Variants in DICER1 observed in about 807,000 individuals in gnomAD.
DICER1 encodes the protein dicer 1, ribonuclease III.
DICER1 carries 43 observed loss-of-function variants against 194.1 expected under a neutral mutation model. The observed-to-expected ratio is 0.22, with a 90% CI of 0.17 to 0.29. The LOEUF is 0.29. Among genes scored for constraint, DICER1 ranks in the 10% least tolerant of loss-of-function variants. The pLI is 1.00. For missense variants in DICER1, 1,608 were observed against 2,317.0 expected (o/e 0.69, Z 6.28); for synonymous variants, 832 against 820.5 (o/e 1.01, Z -0.24).
chr14:95,093,741 A>C, intron 24 of DICER1, 147 bp downstream of exon 24: 1 of 867,692 alleles, frequency 1.2e-6, no homozygotes, highest in Non-Finnish European at 1.9e-6. Flanking sequence ...ACTGCAGTTC[A>C]CTCGTGCTCC....
rs369913917 is a variant in DICER1 at position 95,111,507 on chromosome 14, T to G, written c.2117-51A>C. 2.5e-6 allele frequency: 4 copies of G among 1,590,732 alleles called. No homozygotes were observed. In the African/African-American group the frequency reaches 4.0e-5, roughly 16 times the overall value. On this transcript the variant is annotated intron_variant, in intron 13 of 26. Transcript: ENST00000343455. ...CACAATCCAGATTTTGCCTGATTAATTAGTAAAGAATTTAGAACAGAACTA... is the reference window on the plus strand; with the variant it reads ...CACAATCCAGATTTTGCCTGATTAAGTAGTAAAGAATTTAGAACAGAACTA...
chr14:95,127,333 T>C (rs73331529), intron 6 of DICER1, among the ~76,000 whole-genome samples: 5,331 of 152,308 alleles, frequency 0.035, 337 homozygotes, highest in African/African-American at 0.12. Flanking sequence ...AAGGCAGGCT[T>C]ACAACATGCC....
At chr14:95,118,782 T>C (rs141439662) in intron 8 of DICER1, among the ~76,000 whole-genome samples, 66 of 151,366 alleles carry the variant, frequency 4.4e-4, no homozygotes, top group Middle Eastern at 3.4e-3. Context: ...ATTGCATTTT[T>C]AAGTTGAATC....
chr14:95,119,254 C>T (rs1892742822), intron 8 of DICER1, among the ~76,000 whole-genome samples: 1 of 152,058 alleles, frequency 6.6e-6, no homozygotes. Flanking sequence ...CTTCAATTAG[C>T]TAAGAAATAG....
intron 9 of DICER1, 51 bp downstream of exon 9, chr14:95,117,567 TTGTC>T (rs1892585817): frequency 4.4e-6 from 7 of 1,595,016 alleles, no homozygotes; most frequent in East Asian, 2.2e-5. Flanking sequence ...TATGGGCACT[TTGTC>T]TGTATATGTC....
In DICER1 at chr14:95,115,647, C is replaced by A. The variant is rs2140111990; in HGVS notation, c.1907+20G>T. ...GTGCAACATTCCCAGGTTTTCCACA[C>A]AAATGATATGATGCCATACCTATTG... On this transcript the variant is annotated intron_variant, in intron 11 of 26. Transcript: ENST00000343455. The A allele has an allele frequency of 6.2e-7, 1 of 1,613,894 alleles. No homozygotes were observed. Among genetic ancestry groups the A allele is most frequent in the South Asian group, 1.1e-5 (1 of 91,068 alleles).
chr14:95,119,907 C>T (rs1349796125), intron 8 of DICER1, among the ~76,000 whole-genome samples: 3 of 152,206 alleles, frequency 2.0e-5, no homozygotes, highest in Non-Finnish European at 2.9e-5. Flanking sequence ...TAACTCATGA[C>T]ATAGGTAAAT....
chr14:95,130,136 T>G lies in DICER1; in HGVS notation c.495A>C (p.Ser165=), dbSNP rs754324569. 7 of 1,613,234 alleles carry G rather than the reference T, an allele frequency of 4.3e-6. No homozygotes were observed. Among genetic ancestry groups the G allele is most frequent in the Non-Finnish European group, 4.2e-6 (5 of 1,179,472 alleles). The change falls in exon 5 of 27, where the codon TCA becomes TCC. Residue 165 remains serine (S), a synonymous_variant. Transcript: ENST00000343455. ...ALNVLKNGYL[S]LSDINLLVFD... is the part of the protein sequence containing the mutation. Reference sequence around the variant, plus strand: ...ACACCAAAAGGTTAATGTCTGACAGTGATAAGTAACCATTTTTCAAAACAT... The same window carrying G: ...ACACCAAAAGGTTAATGTCTGACAGGGATAAGTAACCATTTTTCAAAACAT...
chr14:95,142,701 C>G (rs1315833971), intron 1 of DICER1, among the ~76,000 whole-genome samples: 1 of 152,144 alleles, frequency 6.6e-6, no homozygotes, highest in African/African-American at 2.4e-5. Context: ...TAATTGATCA[C>G]TGTGAAGTAA....
intron 1 of DICER1, among the ~76,000 whole-genome samples, chr14:95,145,640 G>C (rs1303386496): frequency 9.3e-5 from 14 of 151,032 alleles, no homozygotes; most frequent in African/African-American, 1.7e-4. Flanking sequence ...ACTATGAAAA[G>C]ATTAAGGTCA....
At chr14:95,121,630 G>A (rs1193685572) in intron 8 of DICER1, among the ~76,000 whole-genome samples, 5 of 152,106 alleles carry the variant, frequency 3.3e-5, no homozygotes, top group East Asian at 1.9e-4. Context: ...TATATTACAC[G>A]GTGAAAAGAA....
chr14:95,124,806 T>TG lies in DICER1; in HGVS notation c.904-139dup, dbSNP rs1229358424. 7 of 719,410 alleles carry TG rather than the reference T, an allele frequency of 9.7e-6. No homozygotes were observed. Among genetic ancestry groups the TG allele is most frequent in the African/African-American group, 3.6e-5 (2 of 55,946 alleles). The allele number at this position is 719,410 out of a possible 1,614,324, so 44.6% of individuals were successfully genotyped here. ...CAGCCTTAGGTTAAGTCCCTGAAGGTGGGGGGAGAGGCCATTAGCCTTTTC... is the reference window on the plus strand; with the variant it reads ...CAGCCTTAGGTTAAGTCCCTGAAGGTGGGGGGGAGAGGCCATTAGCCTTTTC... On this transcript the variant is annotated intron_variant, in intron 7 of 26. Transcript: ENST00000343455. This position sits in a 1 kb window ranked among gnomAD's most constrained non-coding sequence, Gnocchi z 4.5.
At chr14:95,122,061 G>A (rs559994340) in intron 8 of DICER1, among the ~76,000 whole-genome samples, 15 of 152,192 alleles carry the variant, frequency 9.9e-5, no homozygotes, top group African/African-American at 2.9e-4. Flanking sequence ...ACTGGAACAA[G>A]ACCTCTATTG....
rs1595441204 is a variant in DICER1 at position 95,124,812 on chromosome 14, G to A, written c.904-144C>T. 1 of 688,504 alleles carries A rather than the reference G, an allele frequency of 1.5e-6. No individual in the cohort carries two copies. Among genetic ancestry groups the A allele is most frequent in the East Asian group, 2.7e-5 (1 of 37,252 alleles). 42.6% of individuals were successfully genotyped at this position (688,504 alleles called of 1,614,324 possible). A position where few individuals can be genotyped will look rare whatever the true frequency, so the allele number is the denominator to read the frequency against. ...TAGGTTAAGTCCCTGAAGGTGGGGGGAGAGGCCATTAGCCTTTTCAAGCTC... is the reference window on the plus strand; with the variant it reads ...TAGGTTAAGTCCCTGAAGGTGGGGGAAGAGGCCATTAGCCTTTTCAAGCTC... On this transcript the variant is annotated intron_variant, in intron 7 of 26. Transcript: ENST00000343455. This position sits in a 1 kb window ranked among gnomAD's most constrained non-coding sequence, Gnocchi z 4.5.
intron 1 of DICER1, chr14:95,136,740 T>C (rs1894404135): frequency 6.6e-6 from 1 of 152,204 alleles, no homozygotes; most frequent in Non-Finnish European, 1.5e-5. Flanking sequence ...CATGAAATTA[T>C]TAGTCCCATT....
rs375654589 is a variant in DICER1, at chr14:95,088,372, A to G, written c.*2126T>C. 3.9e-5 allele frequency: 9 copies of G among 232,520 alleles called. No individual in the cohort carries two copies. Among genetic ancestry groups the G allele is most frequent in the East Asian group, 6.1e-5 (1 of 16,372 alleles). 14.4% of individuals were successfully genotyped at this position (232,520 alleles called of 1,614,324 possible). A position where few individuals can be genotyped will look rare whatever the true frequency, so the allele number is the denominator to read the frequency against. On this transcript the variant is annotated 3_prime_UTR_variant, in exon 27 of 27. Coordinates refer to ENST00000343455, the MANE Select transcript of DICER1 (RefSeq NM_177438.3). ...AGAGAATCCCGTAACACTGGGATCA[A>G]TGTATTAGACACAATGCAAAGCCCT...
At chr14:95,121,042 CT>C (rs1434943538) in intron 8 of DICER1, among the ~76,000 whole-genome samples, 2 of 152,120 alleles carry the variant, frequency 1.3e-5, no homozygotes, top group African/African-American at 4.8e-5. Context: ...TGAGAGCCCC[CT>C]GATATAATGT....
At chr14:95,147,484 T>C (rs1241566346) in intron 1 of DICER1, among the ~76,000 whole-genome samples, 1 of 152,116 alleles carries the variant, frequency 6.6e-6, no homozygotes, top group African/African-American at 2.4e-5. Context: ...ACCTCCCCCG[T>C]TAAGGCACAA....
intron 21 of DICER1, among the ~76,000 whole-genome samples, chr14:95,101,918 G>A (rs1890914470): frequency 6.6e-6 from 1 of 152,138 alleles, no homozygotes; most frequent in Non-Finnish European, 1.5e-5. Flanking sequence ...ATGGGGAAGG[G>A]GAAGGTCTCC....
Sources: gnomAD v4.1 joint callset for allele counts (sites outside exome capture counted in the v4.1 genomes callset) on GRCh38, gnomAD v4.1.1 for gene constraint, Gnocchi (gnomAD v3.1) non-coding constraint, MANE v1.5 for transcripts, NCBI Gene and HGNC (gene_info 2026-07-23, HGNC 2026-07-21) for gene names.